The following ANKRD50 variants were observed in gnomAD, a reference collection of about 807,000 sequenced individuals.
The protein encoded by ANKRD50 is ankyrin repeat domain-containing protein 50.
Under a neutral mutation model 112.0 loss-of-function variants are expected in ANKRD50, and 40 were observed. The ratio of observed to expected loss-of-function variants is 0.36; its 90% CI spans 0.28 to 0.46. The LOEUF is 0.46. ANKRD50 is among the 20% of genes least tolerant of loss of function. ANKRD50 has a pLI of 1.00. For synonymous variants in ANKRD50, 613 were observed against 619.1 expected (o/e 0.99, Z 0.15); for missense variants, 1,487 against 1,701.7 (o/e 0.87, Z 2.22).
At chr4:124,688,295 T>C (rs72680258) in intron 2 of ANKRD50, among the ~76,000 whole-genome samples, 4 of 152,306 alleles carry the variant, frequency 2.6e-5, no homozygotes, top group Admixed American at 6.5e-5. Context: ...TGCATTTACA[T>C]GACACATGGA....
rs1730514243 is a variant in ANKRD50 at position 124,667,180 on chromosome 4, C to T, written c.*338G>A. 6.6e-6 allele frequency: 1 copy of T among 151,916 alleles called. No individual in the cohort carries two copies. The highest frequency in any genetic ancestry group is 1.5e-5 in the Non-Finnish European group (1 of 67,918). The allele number at this position is 151,916 out of a possible 1,614,324, so 9.4% of individuals were successfully genotyped here. A position where few individuals can be genotyped will look rare whatever the true frequency, so the allele number is the denominator to read the frequency against. ...CCTTTTCATATATATTTGATTATGGCACATGCACATTTTTTATCACATCTT... is the reference window on the plus strand; with the variant it reads ...CCTTTTCATATATATTTGATTATGGTACATGCACATTTTTTATCACATCTT... On this transcript the variant is annotated 3_prime_UTR_variant, in exon 5 of 5. Coordinates refer to ENST00000504087, the MANE Select transcript of ANKRD50 (RefSeq NM_020337.3).
At chr4:124,707,090 T>C (rs796470630) in intron 2 of ANKRD50, among the ~76,000 whole-genome samples, 110 of 152,144 alleles carry the variant, frequency 7.2e-4, no homozygotes, top group African/African-American at 2.6e-3. Context: ...AAAGTAATAA[T>C]GCAAAAACTG....
intron 2 of ANKRD50, among the ~76,000 whole-genome samples, chr4:124,691,409 G>A (rs1237253110): frequency 6.9e-6 from 1 of 144,154 alleles, no homozygotes; most frequent in African/African-American, 2.5e-5. Flanking sequence ...GGAGAATGGC[G>A]TGAACCCGGG....
intron 2 of ANKRD50, among the ~76,000 whole-genome samples, chr4:124,687,717 C>T (rs545795201): frequency 3.5e-4 from 53 of 152,244 alleles, no homozygotes; most frequent in Non-Finnish European, 5.9e-4. Flanking sequence ...AAAATAGACA[C>T]TTTAGAGAGG....
chr4:124,709,267 G>A (rs868197034), intron 2 of ANKRD50, among the ~76,000 whole-genome samples: 2 of 151,980 alleles, frequency 1.3e-5, no homozygotes, highest in South Asian at 2.1e-4. Context: ...TGTTTTCAAG[G>A]AATTATATTT....
chr4:124,672,170 T>C lies in ANKRD50; in HGVS notation c.1107A>G (p.Leu369=). The C allele has an allele frequency of 6.2e-7, 1 of 1,613,906 alleles. No homozygotes were observed. The change falls in exon 4 of 5, where the codon TTA becomes TTG. Residue 369 remains leucine, a synonymous_variant. Coordinates refer to ENST00000504087, the MANE Select transcript of ANKRD50 (RefSeq NM_020337.3). ...TGTTTTTGGTCCATACTGCGTGATATAATTCCGTTATGGTCAAAGGTCGGC... is the reference window on the plus strand; with the variant it reads ...TGTTTTTGGTCCATACTGCGTGATACAATTCCGTTATGGTCAAAGGTCGGC... The part of the protein sequence containing the change: ...AACRPLTITE[L]YHAVWTKNMS...
rs1724916483 is a variant in ANKRD50 at position 124,682,506 on chromosome 4, TAA to T, written c.513-3603_513-3602del. Among the ~76,000 whole-genome samples, 4 of 152,120 alleles carry T rather than the reference TAA, an allele frequency of 2.6e-5. 1 individual carries two copies. The South Asian group carries it at 8.3e-4, about 32-fold the overall frequency. On this transcript the variant is annotated intron_variant, in intron 2 of 4. Transcript: ENST00000504087. ...AAGGGAGTGTTAAAATATTTGAATA[TAA>T]GTGTCTACTTCTTAAAATAGTGTTA...
rs1022683543 is a variant in ANKRD50 at position 124,671,633 on chromosome 4, T to A, written c.1644A>T (p.Leu548Phe). Residue 548 changes from leucine to phenylalanine, a missense_variant, in exon 4 of 5, where the codon TTA becomes TTT. Physicochemically the swap from Leu to Phe is conservative, Grantham distance 22. Transcript: ENST00000504087. ...TGCCACTATATGCAGCATTAGCCAA[T>A]AATGTTCTCCCATTTGAATCACACT... ...VNQCDSNGRT[L>F]LANAAYSGSL... 6.2e-7 allele frequency: 1 copy of A among 1,613,758 alleles called. No homozygotes were observed. Among genetic ancestry groups the A allele is most frequent in the Non-Finnish European group, 8.5e-7 (1 of 1,179,870 alleles).
chr4:124,693,264 T>C (rs1725175283), intron 2 of ANKRD50, among the ~76,000 whole-genome samples: 1 of 152,214 alleles, frequency 6.6e-6, no homozygotes, highest in Admixed American at 6.5e-5. Context: ...TTTAAGGTCT[T>C]GTAACTGAAT....
chr4:124,706,557 A>C (rs1725507052), intron 2 of ANKRD50, among the ~76,000 whole-genome samples: 1 of 152,116 alleles, frequency 6.6e-6, no homozygotes, highest in Non-Finnish European at 1.5e-5. Context: ...GTGGATTTAA[A>C]AAGCATCAAG....
Position 124,706,702 on chromosome 4 carries a change from C to T in ANKRD50, c.512+3298G>A, listed in dbSNP as rs139554145. Among the ~76,000 whole-genome samples, 223 of 152,064 alleles carry T rather than the reference C, an allele frequency of 1.5e-3. 1 individual carries two copies. Among genetic ancestry groups the T allele is most frequent in the African/African-American group, 5.3e-3 (221 of 41,526 alleles). On this transcript the variant is annotated intron_variant, in intron 2 of 4. Coordinates refer to ENST00000504087, the MANE Select transcript of ANKRD50 (RefSeq NM_020337.3). ...TGCTCCTTAACCTATGATAGGATTA[C>T]ACCCTGATAAATCCATTATATGTTG...
At chr4:124,699,607 ATAT>A (rs1231030061) in intron 2 of ANKRD50, among the ~76,000 whole-genome samples, 4 of 152,210 alleles carry the variant, frequency 2.6e-5, no homozygotes, top group Non-Finnish European at 2.9e-5. Flanking sequence ...AGGTGACCTC[ATAT>A]GACTCTCATC....
At chr4:124,680,167 T>C (rs1391207919) in intron 2 of ANKRD50, among the ~76,000 whole-genome samples, 4 of 152,210 alleles carry the variant, frequency 2.6e-5, no homozygotes, top group Non-Finnish European at 4.4e-5. Flanking sequence ...CAATTTTATA[T>C]TTAATTATGT....
intron 3 of ANKRD50, among the ~76,000 whole-genome samples, chr4:124,677,768 A>G (rs1266982344): frequency 6.6e-6 from 1 of 151,990 alleles, no homozygotes. Flanking sequence ...AAACATACAT[A>G]ATATAAAATA....
chr4:124,671,491 A>C lies in ANKRD50; in HGVS notation c.1786T>G (p.Cys596Gly). 6.2e-7 allele frequency: 1 copy of C among 1,613,774 alleles called. No homozygotes were observed. Among genetic ancestry groups the C allele is most frequent in the African/African-American group, 1.3e-5 (1 of 74,978 alleles). The change falls in exon 4 of 5, where the codon TGT (cysteine) becomes GGT (glycine). Residue 596 changes from cysteine (C) to glycine (G), a missense_variant. Physicochemically the swap from Cys to Gly is radical, Grantham distance 159 (BLOSUM62 -3). This residue lies in a region of ANKRD50 where 1,046 missense variants were observed against 1,269.5 expected (regional missense o/e 0.82). Transcript: ENST00000504087. The part of the protein sequence containing the change: ...ARQGHTKVVN[C>G]LIGCGANINH... ...ATATTTGCTCCACACCCAATCAAACAATTAACCACCTTGGTATGTCCCTGT... is the reference window on the plus strand; with the variant it reads ...ATATTTGCTCCACACCCAATCAAACCATTAACCACCTTGGTATGTCCCTGT...
At position 124,710,792 on chromosome 4, in the gene ANKRD50, C is replaced by T. The variant is rs559824806; in HGVS notation, c.-281G>A. On this transcript the variant is annotated 5_prime_UTR_variant, in exon 2 of 5. Coordinates refer to ENST00000504087, the MANE Select transcript of ANKRD50 (RefSeq NM_020337.3). ...TCCTAAATTTTAATGAGTCACATAA[C>T]TCCATGGTTATAACTGGAGTTTATG... 6.8e-5 allele frequency: 33 copies of T among 487,108 alleles called. No individual in the cohort carries two copies. Among genetic ancestry groups the T allele is most frequent in the Middle Eastern group, 5.2e-4 (1 of 1,908 alleles). 30.2% of individuals were successfully genotyped at this position (487,108 alleles called of 1,614,324 possible).
intron 1 of ANKRD50, among the ~76,000 whole-genome samples, chr4:124,711,802 A>G (rs1725639910): frequency 6.6e-6 from 1 of 152,060 alleles, no homozygotes; most frequent in African/African-American, 2.4e-5. Flanking sequence ...CTGTTCTTAT[A>G]AGAATGATAA....
intron 2 of ANKRD50, among the ~76,000 whole-genome samples, chr4:124,685,200 G>A (rs1451823639): frequency 6.6e-6 from 1 of 152,170 alleles, no homozygotes; most frequent in African/African-American, 2.4e-5. Context: ...GGCTTCAGGA[G>A]GGCAGGAACT....
intron 1 of ANKRD50, 145 bp downstream of exon 1, chr4:124,712,313 G>C (rs886688080): frequency 6.6e-6 from 1 of 152,548 alleles, no homozygotes; most frequent in Non-Finnish European, 1.5e-5. Flanking sequence ...CCGGCCGACG[G>C]CGGTGCGAGG....
Sources: gnomAD v4.1 joint callset for allele counts (sites outside exome capture counted in the v4.1 genomes callset) on GRCh38, gnomAD v4.1.1 for gene constraint, gnomAD v4.1.1 regional missense constraint, MANE v1.5 for transcripts, NCBI Gene and HGNC (gene_info 2026-07-23, HGNC 2026-07-21) for gene names.